ROBO2: variants seen among roughly 807,000 people sequenced by gnomAD.
The protein encoded by ROBO2 is roundabout guidance receptor 2.
In ROBO2, 53 loss-of-function variants were observed where a neutral mutation model predicts 160.8. The observed-to-expected ratio is 0.33, with a 90% CI of 0.26 to 0.41. The LOEUF is 0.41. ROBO2 is among the 10% of genes least tolerant of loss of function. The pLI is 1.00. For synonymous variants in ROBO2, 664 were observed against 611.7 expected, an observed-to-expected ratio of 1.09 and a Z score of -1.26; for missense variants, 1,577 against 1,722.4, an observed-to-expected ratio of 0.92 and a Z score of 1.49.
In ROBO2 at chr3:77,433,945, A is replaced by G. The variant is rs1232781158; in HGVS notation, c.389-43469A>G. 2.6e-5 allele frequency among the ~76,000 whole-genome samples: 4 copies of G among 151,946 alleles called. No homozygotes were observed. The South Asian group carries it at 6.2e-4, about 24-fold the overall frequency. ...GGAATCCATCTACTTCTTTTTATTC[A>G]TACTGCCATCACTCTCGTCAAAGCA... On this transcript the variant is annotated intron_variant, in intron 2 of 25. Coordinates refer to ENST00000461745, the Ensembl canonical transcript of ROBO2.
At chr3:76,236,152 AT>A (rs1704930810) in intron 2 of ROBO2, among the ~76,000 whole-genome samples, 1 of 152,012 alleles carries the variant, frequency 6.6e-6, no homozygotes, top group Admixed American at 6.6e-5. Flanking sequence ...CAATTATTTA[AT>A]TTTATTTGCC....
At chr3:75,915,200 G>A (rs1478362039) in intron 1 of ROBO2, among the ~76,000 whole-genome samples, 3 of 152,180 alleles carry the variant, frequency 2.0e-5, no homozygotes, top group Non-Finnish European at 2.9e-5. Flanking sequence ...TATGGAACAT[G>A]TAAAGCTTAT....
intron 2 of ROBO2, among the ~76,000 whole-genome samples, chr3:76,131,655 G>A (rs764241855): frequency 6.6e-6 from 1 of 152,234 alleles, no homozygotes; most frequent in Admixed American, 6.5e-5. Context: ...AAGCAGAGCA[G>A]ATGTGATTTT....
rs745956180 is a variant in ROBO2 at position 77,562,632 on chromosome 3, T to C, written c.1438-19T>C. Reference sequence around the variant, plus strand: ...AATTGACTGAAACAATTTAATTCTCTCCCTTCTGTGCACACTAGATTTCTG... The same window carrying C: ...AATTGACTGAAACAATTTAATTCTCCCCCTTCTGTGCACACTAGATTTCTG... On this transcript the variant is annotated intron_variant, in intron 9 of 25. Coordinates refer to ENST00000461745, the Ensembl canonical transcript of ROBO2. 3.2e-6 allele frequency: 5 copies of C among 1,575,286 alleles called. No individual in the cohort carries two copies. In the Admixed American group the frequency reaches 8.4e-5, roughly 26 times the overall value.
At chr3:76,670,901 T>A (rs1261169264) in intron 2 of ROBO2, among the ~76,000 whole-genome samples, 1 of 151,482 alleles carries the variant, frequency 6.6e-6, no homozygotes, top group Non-Finnish European at 1.5e-5. Flanking sequence ...TAATGAACCC[T>A]TAAAATGAAT....
chr3:76,161,493 G>C (rs2072637716), intron 2 of ROBO2, among the ~76,000 whole-genome samples: 1 of 152,112 alleles, frequency 6.6e-6, no homozygotes, highest in Admixed American at 6.6e-5. Context: ...GAGAATTTCA[G>C]GTTAATGTCA....
intron 2 of ROBO2, among the ~76,000 whole-genome samples, chr3:76,873,312 A>G (rs2072321653): frequency 6.6e-6 from 1 of 152,114 alleles, no homozygotes; most frequent in Non-Finnish European, 1.5e-5. Flanking sequence ...AAACCATAGG[A>G]ATTATTTTAT....
At chr3:77,073,311 A>C (rs1015346009) in intron 1 of ROBO2, among the ~76,000 whole-genome samples, 9 of 152,354 alleles carry the variant, frequency 5.9e-5, no homozygotes, top group African/African-American at 2.2e-4. Context: ...AGAAATGAGC[A>C]GAGTGAGAAC....
intron 2 of ROBO2, among the ~76,000 whole-genome samples, chr3:76,473,744 C>T (rs1418125735): frequency 6.6e-6 from 1 of 151,936 alleles, no homozygotes; most frequent in East Asian, 1.9e-4. Flanking sequence ...ACAAGCAACA[C>T]AGGTAAAAGG....
chr3:76,402,429 A>G (rs1216420120), intron 2 of ROBO2, among the ~76,000 whole-genome samples: 1 of 151,532 alleles, frequency 6.6e-6, no homozygotes, highest in Non-Finnish European at 1.5e-5. Flanking sequence ...TATGCTTATT[A>G]GGTCAGTGTA....
upstream of ROBO2, among the ~76,000 whole-genome samples, chr3:77,035,083 G>T (rs1348799081): frequency 6.6e-6 from 1 of 151,884 alleles, no homozygotes; most frequent in East Asian, 1.9e-4. Context: ...AATAATAAGT[G>T]GATTTGCGAG....
rs200922609 is a variant in ROBO2, at chr3:76,618,807, AAAT to A, written c.110-479203_110-479201del. Among the ~76,000 whole-genome samples the A allele has an allele frequency of 5.6e-3, 848 of 151,914 alleles. 26 individuals are homozygous for A. Among genetic ancestry groups the A allele is most frequent in the African/African-American group, 0.019 (784 of 41,278 alleles). On this transcript the variant is annotated intron_variant, in intron 2 of 26. Coordinates refer to the ROBO2 transcript ENST00000487694. ...TTTCACTAGATAGCTTTTCCAGTGT[AAAT>A]AATGTTTCAAATAGCATTCGTTTTT... is the stretch of plus-strand genomic sequence containing the variant.
At chr3:77,172,793 G>A (rs2079767556) in intron 2 of ROBO2, among the ~76,000 whole-genome samples, 1 of 152,078 alleles carries the variant, frequency 6.6e-6, no homozygotes, top group Admixed American at 6.6e-5. Flanking sequence ...ATTTTCCATT[G>A]CACTCATTAA....
At chr3:76,755,191 T>G in intron 2 of ROBO2, among the ~76,000 whole-genome samples, 1 of 152,032 alleles carries the variant, frequency 6.6e-6, no homozygotes, top group East Asian at 2.0e-4. Flanking sequence ...TATTAAAATC[T>G]ATTTATTTTG....
intron 2 of ROBO2, among the ~76,000 whole-genome samples, chr3:76,572,697 A>G (rs2085030363): frequency 6.6e-6 from 1 of 152,196 alleles, no homozygotes; most frequent in Admixed American, 6.5e-5. Context: ...GACATCCTTC[A>G]GGAGGACTCC....
At chr3:77,526,679 G>T (rs1347670246) in intron 6 of ROBO2, among the ~76,000 whole-genome samples, 5 of 151,512 alleles carry the variant, frequency 3.3e-5, no homozygotes, top group African/African-American at 7.3e-5. Flanking sequence ...TTTAGTGATT[G>T]AAAGTTATGG....
At chr3:76,272,941 TATAAA>T in intron 2 of ROBO2, among the ~76,000 whole-genome samples, 1 of 27,268 alleles carries the variant, frequency 3.7e-5, no homozygotes, top group Non-Finnish European at 1.3e-4. Context: ...TATATAAATA[TATAAA>T]ATATATAATA....
intron 2 of ROBO2, among the ~76,000 whole-genome samples, chr3:77,415,047 A>G (rs139875528): frequency 6.6e-6 from 1 of 152,218 alleles, no homozygotes; most frequent in Non-Finnish European, 1.5e-5. Context: ...TCCACCCATG[A>G]TCCCACAACA....
chr3:76,367,768 G>A (rs200407031), intron 2 of ROBO2, among the ~76,000 whole-genome samples: 2 of 152,036 alleles, frequency 1.3e-5, no homozygotes, highest in East Asian at 3.9e-4. Flanking sequence ...ACTGTGAGAA[G>A]CAGCAGCATT....
Sources: gnomAD v4.1 joint callset for allele counts (sites outside exome capture counted in the v4.1 genomes callset) on GRCh38, gnomAD v4.1.1 for gene constraint, MANE v1.5 for transcripts, NCBI Gene and HGNC (gene_info 2026-07-23, HGNC 2026-07-21) for gene names.